The following FMN1 variants were observed in gnomAD, a reference collection of about 807,000 sequenced individuals.
The protein encoded by FMN1 is formin 1.
Under a neutral mutation model 132.4 loss-of-function variants are expected in FMN1, and 110 were observed. That is an observed-to-expected ratio of 0.83 (90% CI 0.71 to 0.97). The LOEUF (loss-of-function observed/expected upper bound fraction) is 0.97. Ranked by LOEUF, FMN1 falls within the 50% of genes least tolerant of loss-of-function variation. The probability of loss-of-function intolerance (pLI) is 0.00; values close to 1 mark genes in which losing one functional copy is unlikely to be tolerated. For synonymous variants in FMN1, 722 were observed against 651.7 expected (o/e 1.11, Z -1.64); for missense variants, 1,792 against 1,705.3 (o/e 1.05, Z -0.90).
intron 7 of FMN1, among the ~76,000 whole-genome samples, chr15:33,005,474 A>G (rs1042150749): frequency 6.6e-6 from 1 of 152,196 alleles, no homozygotes; most frequent in Non-Finnish European, 1.5e-5. Flanking sequence ...TGATCACAAT[A>G]TACTTTCCTT....
chr15:33,029,030 G>C (rs1200982628), intron 6 of FMN1, among the ~76,000 whole-genome samples: 1 of 152,170 alleles, frequency 6.6e-6, no homozygotes, highest in South Asian at 2.1e-4. Context: ...GACATTGTCA[G>C]AAGTAATATC....
intron 6 of FMN1, among the ~76,000 whole-genome samples, chr15:33,053,320 G>C (rs933171304): frequency 6.6e-6 from 1 of 152,320 alleles, no homozygotes; most frequent in East Asian, 1.9e-4. Context: ...CCTGGGCATT[G>C]CCACATTCCC....
chr15:32,883,226 C>T (rs1388629138), intron 16 of FMN1, among the ~76,000 whole-genome samples: 2 of 152,040 alleles, frequency 1.3e-5, no homozygotes, highest in Non-Finnish European at 2.9e-5. Context: ...AAGATCAGGT[C>T]CAGTGGTGGC....
intron 6 of FMN1, among the ~76,000 whole-genome samples, chr15:33,046,332 GT>G (rs35082857): frequency 0.025 from 3,745 of 152,262 alleles, 64 homozygotes; most frequent in African/African-American, 0.03. Context: ...ATGCACTGAA[GT>G]GCATTTGAAA....
intron 5 of FMN1, among the ~76,000 whole-genome samples, chr15:33,078,438 A>T (rs2038309842): frequency 6.6e-6 from 1 of 152,218 alleles, no homozygotes; most frequent in South Asian, 2.1e-4. Flanking sequence ...GTCATGTTCA[A>T]TACTTTAAAA....
intron 14 of FMN1, 23 bp from the exon 15 acceptor site, chr15:32,898,916 C>T (rs371731873): frequency 3.0e-4 from 445 of 1,469,962 alleles, no homozygotes; most frequent in Non-Finnish European, 3.8e-4. Flanking sequence ...GAGAAATGTA[C>T]ATGAAAATCA....
chr15:32,908,445 G>C, intron 12 of FMN1, 45 bp downstream of exon 12: 1 of 1,234,114 alleles, frequency 8.1e-7, no homozygotes, highest in Non-Finnish European at 1.2e-6. Flanking sequence ...GACAGAAATT[G>C]CAGTTCTCCT....
intron 17 of FMN1, among the ~76,000 whole-genome samples, chr15:32,853,276 C>CTA (rs767022942): frequency 5.3e-5 from 8 of 152,196 alleles, no homozygotes; most frequent in Non-Finnish European, 1.0e-4. Flanking sequence ...TTCTTCCTCT[C>CTA]TGATTCTATA....
At chr15:32,828,347 A>T (rs1311094245) in intron 17 of FMN1, among the ~76,000 whole-genome samples, 4 of 152,246 alleles carry the variant, frequency 2.6e-5, no homozygotes, top group Non-Finnish European at 4.4e-5. Flanking sequence ...CAGAATGGTA[A>T]GCCCAATATG....
chr15:33,169,375 A>G (rs1566964405), intron 3 of FMN1, among the ~76,000 whole-genome samples: 1 of 152,226 alleles, frequency 6.6e-6, no homozygotes, highest in Non-Finnish European at 1.5e-5. Flanking sequence ...TTGAAAACAT[A>G]AAACAGTTTA....
chr15:33,145,977 A>T (rs1225660037), intron 4 of FMN1, among the ~76,000 whole-genome samples: 1 of 143,086 alleles, frequency 7.0e-6, no homozygotes, highest in Non-Finnish European at 1.5e-5. Flanking sequence ...ATTACCATGA[A>T]TTTTTTTTTT....
At chr15:32,994,932 A>G (rs1446721840) in intron 7 of FMN1, among the ~76,000 whole-genome samples, 1 of 152,174 alleles carries the variant, frequency 6.6e-6, no homozygotes, top group African/African-American at 2.4e-5. Context: ...ATGAGTTTTC[A>G]TGTGTTTAAA....
intron 17 of FMN1, among the ~76,000 whole-genome samples, chr15:32,854,629 T>C (rs774892784): frequency 9.2e-5 from 14 of 152,130 alleles, no homozygotes; most frequent in Non-Finnish European, 1.9e-4. Flanking sequence ...CAGGAGCTGA[T>C]TGGCCGGGCA....
At chr15:33,065,107 T>G in intron 5 of FMN1, 33 bp from the exon 6 acceptor site, 1 of 1,470,958 alleles carries the variant, frequency 6.8e-7, no homozygotes, top group Middle Eastern at 1.7e-4. Context: ...GTAAGTGGAA[T>G]GTAGTCAGAG....
chr15:32,898,983 T>C (rs2060227426), intron 14 of FMN1, 90 bp from the exon 15 acceptor site: 6 of 897,406 alleles, frequency 6.7e-6, no homozygotes, highest in Non-Finnish European at 7.1e-6. Flanking sequence ...TTGAGAAATT[T>C]CTAATTCGTG....
At chr15:33,094,403 T>A (rs1027853170) in intron 4 of FMN1, among the ~76,000 whole-genome samples, 1 of 152,236 alleles carries the variant, frequency 6.6e-6, no homozygotes. Context: ...CACACAGTCA[T>A]GTGAAAGGCT....
chr15:32,943,832 C>G (rs2061447999), intron 9 of FMN1, among the ~76,000 whole-genome samples: 2 of 152,118 alleles, frequency 1.3e-5, no homozygotes, highest in African/African-American at 4.8e-5. Context: ...AAAAAATCTT[C>G]TAAGTAATAG....
intron 4 of FMN1, among the ~76,000 whole-genome samples, chr15:33,132,063 AGGATC>A: frequency 6.6e-6 from 1 of 152,186 alleles, no homozygotes; most frequent in Non-Finnish European, 1.5e-5. Context: ...AGTTAGGCAA[AGGATC>A]TAAAATAACA....
At chr15:33,116,696 T>C (rs1164487823) in intron 4 of FMN1, among the ~76,000 whole-genome samples, 1 of 152,124 alleles carries the variant, frequency 6.6e-6, no homozygotes, top group Non-Finnish European at 1.5e-5. Flanking sequence ...AGAGAGGAAA[T>C]TCATATTGAA....
Sources: allele counts gnomAD v4.1 joint callset (sites outside exome capture counted in the v4.1 genomes callset), GRCh38; gene constraint gnomAD v4.1.1; transcripts MANE v1.5; gene names NCBI Gene and HGNC (gene_info 2026-07-23, HGNC 2026-07-21).